FNDC3B: variants seen among roughly 807,000 people sequenced by gnomAD.
FNDC3B encodes fibronectin type III domain containing 3B.
Under a neutral mutation model 151.5 loss-of-function variants are expected in FNDC3B, and 12 were observed. The observed-to-expected ratio is 0.08, with a 90% CI of 0.05 to 0.13. The LOEUF (loss-of-function observed/expected upper bound fraction) is 0.13, where lower values mean the gene tolerates loss of function less well. Ranked by LOEUF, FNDC3B falls within the 10% of genes least tolerant of loss-of-function variation. The pLI is 1.00. For missense variants in FNDC3B, 1,214 were observed against 1,505.3 expected, an observed-to-expected ratio of 0.81 and a Z score of 3.20; for synonymous variants, 528 against 549.0, an observed-to-expected ratio of 0.96 and a Z score of 0.54.
intron 23 of FNDC3B, among the ~76,000 whole-genome samples, chr3:172,373,949 A>T (rs1735000226): frequency 6.6e-6 from 1 of 152,256 alleles, no homozygotes; most frequent in South Asian, 2.1e-4. Context: ...GGAACCAGAC[A>T]TTACTGTCAG....
intron 16 of FNDC3B, chr3:172,337,610 T>C: frequency 2.1e-6 from 1 of 484,798 alleles, no homozygotes; most frequent in South Asian, 3.1e-5. Flanking sequence ...ACATTTGTGT[T>C]ATTTAACAAT....
intron 1 of FNDC3B, among the ~76,000 whole-genome samples, chr3:172,108,869 G>A (rs1323335991): frequency 6.6e-6 from 1 of 152,196 alleles, no homozygotes; most frequent in Non-Finnish European, 1.5e-5. Flanking sequence ...ATGGAGCATA[G>A]ACTAAGTCAT....
intron 1 of FNDC3B, among the ~76,000 whole-genome samples, chr3:172,073,917 A>T (rs867092180): frequency 3.3e-5 from 5 of 151,680 alleles, no homozygotes; most frequent in Middle Eastern, 6.9e-3. Flanking sequence ...TTCTCCCCTG[A>T]TCCCTTCCCC....
At chr3:172,160,095 C>A (rs975343960) in intron 3 of FNDC3B, among the ~76,000 whole-genome samples, 17 of 152,202 alleles carry the variant, frequency 1.1e-4, no homozygotes, top group Non-Finnish European at 2.5e-4. Flanking sequence ...TGCCTGTAAA[C>A]CTGTTTTCAC....
At chr3:172,093,677 G>A (rs113942243) in intron 1 of FNDC3B, among the ~76,000 whole-genome samples, 1,849 of 152,292 alleles carry the variant, frequency 0.012, 34 homozygotes, top group African/African-American at 0.042. Flanking sequence ...GGGATTACTG[G>A]TGTGAGTCAC....
At position 172,393,887 on chromosome 3, in the gene FNDC3B, T is replaced by C. The variant is rs559947591; in HGVS notation, c.3304-3277T>C. 5.9e-5 allele frequency among the ~76,000 whole-genome samples: 9 copies of C among 151,894 alleles called. No individual in the cohort carries two copies. The East Asian group carries it at 1.5e-3, about 26-fold the overall frequency. Reference sequence around the variant, plus strand: ...ACTTTGGGAGGCTGAGGTGAGCAGATCATGAGGTCAAGAGATGGAGACCAT... The same window carrying C: ...ACTTTGGGAGGCTGAGGTGAGCAGACCATGAGGTCAAGAGATGGAGACCAT... On this transcript the variant is annotated intron_variant, in intron 25 of 25. Transcript: ENST00000415807.
intron 6 of FNDC3B, among the ~76,000 whole-genome samples, chr3:172,280,738 A>G (rs1320718517): frequency 6.6e-6 from 1 of 152,262 alleles, no homozygotes; most frequent in East Asian, 1.9e-4. Context: ...AAGTATGTTT[A>G]TAAAGGAGGA....
chr3:172,153,663 G>A (rs1722343598), intron 3 of FNDC3B, among the ~76,000 whole-genome samples: 2 of 152,338 alleles, frequency 1.3e-5, no homozygotes, highest in African/African-American at 4.8e-5. Context: ...GGAGGAGGAA[G>A]AAAAACAGGA....
chr3:172,327,391 AT>A (rs1332144703), intron 11 of FNDC3B, among the ~76,000 whole-genome samples: 3 of 147,926 alleles, frequency 2.0e-5, no homozygotes, highest in African/African-American at 5.0e-5. Context: ...ATGTGGTGTG[AT>A]TTTTTTGGGG....
chr3:172,112,404 A>AT, intron 1 of FNDC3B, 48 bp from the exon 2 acceptor site: 1 of 938,794 alleles, frequency 1.1e-6, no homozygotes, highest in Non-Finnish European at 1.8e-6. Context: ...GTTACAGGTG[A>AT]TTTTTGTGGT....
intron 1 of FNDC3B, among the ~76,000 whole-genome samples, chr3:172,042,969 C>T (rs1256731921): frequency 6.6e-6 from 1 of 152,072 alleles, no homozygotes; most frequent in South Asian, 2.1e-4. Flanking sequence ...GGCTGGAGTG[C>T]AGTGGCGCGG....
At chr3:172,348,707 A>T (rs1733720102) in intron 21 of FNDC3B, among the ~76,000 whole-genome samples, 1 of 152,220 alleles carries the variant, frequency 6.6e-6, no homozygotes, top group Non-Finnish European at 1.5e-5. Flanking sequence ...ATTATAAAAG[A>T]TACATTAATA....
At chr3:172,146,501 T>C (rs1328268818) in intron 3 of FNDC3B, among the ~76,000 whole-genome samples, 1 of 152,102 alleles carries the variant, frequency 6.6e-6, no homozygotes, top group Non-Finnish European at 1.5e-5. Flanking sequence ...ATTGTAAGGG[T>C]TGGGGACTGG....
intron 2 of FNDC3B, among the ~76,000 whole-genome samples, chr3:172,123,338 C>T (rs1396383326): frequency 2.0e-5 from 3 of 152,138 alleles, no homozygotes; most frequent in African/African-American, 7.2e-5. Context: ...CTGTGCCAGG[C>T]CTTAACCAAA....
chr3:172,073,948 A>G (rs371659853), intron 1 of FNDC3B, among the ~76,000 whole-genome samples: 1 of 152,096 alleles, frequency 6.6e-6, no homozygotes, highest in Admixed American at 6.6e-5. Context: ...CCCTTAAGAA[A>G]TGTTGTCCTT....
chr3:172,344,532 C>T (rs1182686091), intron 19 of FNDC3B, among the ~76,000 whole-genome samples: 4 of 152,132 alleles, frequency 2.6e-5, no homozygotes, highest in Non-Finnish European at 5.9e-5. Context: ...TAGATATTTT[C>T]GACAGTTTTT....
At chr3:172,248,252 A>G (rs1398895404) in intron 5 of FNDC3B, among the ~76,000 whole-genome samples, 1 of 152,196 alleles carries the variant, frequency 6.6e-6, no homozygotes, top group Non-Finnish European at 1.5e-5. Context: ...GTTTCCTAAA[A>G]GGCTCTATGT....
intron 6 of FNDC3B, among the ~76,000 whole-genome samples, chr3:172,283,993 C>A (rs767751342): frequency 6.6e-6 from 1 of 152,086 alleles, no homozygotes; most frequent in East Asian, 1.9e-4. Context: ...AAAGGTAGCA[C>A]GTCCTACTAA....
chr3:172,343,982 C>T (rs1018126432), intron 18 of FNDC3B, 104 bp from the exon 19 acceptor site: 48 of 998,672 alleles, frequency 4.8e-5, no homozygotes, highest in Middle Eastern at 2.2e-4. Flanking sequence ...ATACTGAGGC[C>T]GGCCACCTAT....
Sources: gnomAD v4.1 joint callset for allele counts (sites outside exome capture counted in the v4.1 genomes callset) on GRCh38, gnomAD v4.1.1 for gene constraint, MANE v1.5 for transcripts, NCBI Gene and HGNC (gene_info 2026-07-23, HGNC 2026-07-21) for gene names.